ST3GAL3: variants seen among roughly 807,000 people sequenced by gnomAD.
ST3GAL3 encodes the protein ST3 beta-galactoside alpha-2,3-sialyltransferase 3, also known as CMP-N-acetylneuraminate-beta-1,4-galactoside alpha-2,3-sialyltransferase.
Under a neutral mutation model 50.1 loss-of-function variants are expected in ST3GAL3, and 21 were observed. The ratio of observed to expected loss-of-function variants is 0.42; its 90% CI spans 0.30 to 0.60. The LOEUF is 0.60. ST3GAL3 is among the 20% of genes least tolerant of loss of function. ST3GAL3 has a pLI of 0.19. For missense variants in ST3GAL3, 353 were observed against 489.4 expected, an observed-to-expected ratio of 0.72 and a Z score of 2.63; for synonymous variants, 183 against 190.0, an observed-to-expected ratio of 0.96 and a Z score of 0.30.
chr1:43,802,819 T>C (rs1261397552), intron 3 of ST3GAL3, among the ~76,000 whole-genome samples: 2 of 152,248 alleles, frequency 1.3e-5, no homozygotes, highest in Admixed American at 1.3e-4. Flanking sequence ...GACAGTATTT[T>C]GTTGCCGGCA....
At chr1:43,851,625 T>C (rs2067321747) in intron 5 of ST3GAL3, 2 of 1,290,582 alleles carry the variant, frequency 1.5e-6, no homozygotes, top group East Asian at 4.6e-5. Context: ...CTCTCCTTAA[T>C]GATGTTGTAA....
At chr1:43,756,977 T>TC (rs1288945912) in intron 2 of ST3GAL3, among the ~76,000 whole-genome samples, 1 of 152,182 alleles carries the variant, frequency 6.6e-6, no homozygotes, top group Non-Finnish European at 1.5e-5. Flanking sequence ...TGATCTCAGC[T>TC]CACTGCAACC....
At chr1:43,856,283 T>C (rs1274812508) in intron 5 of ST3GAL3, among the ~76,000 whole-genome samples, 1 of 152,270 alleles carries the variant, frequency 6.6e-6, no homozygotes, top group Non-Finnish European at 1.5e-5. Flanking sequence ...AATGTGATAA[T>C]GCACTTTTAT....
At chr1:43,768,959 T>G (rs1005485514) in intron 2 of ST3GAL3, among the ~76,000 whole-genome samples, 2 of 152,102 alleles carry the variant, frequency 1.3e-5, no homozygotes, top group African/African-American at 4.8e-5. Context: ...AAAGGAAGAT[T>G]AAAGGCCAAG....
At position 43,747,046 on chromosome 1, in the gene ST3GAL3, G is replaced by A. The variant is rs550674514; in HGVS notation, c.118+10666G>A. On this transcript the variant is annotated intron_variant, in intron 2 of 11. Coordinates refer to ENST00000347631, the MANE Select transcript of ST3GAL3 (RefSeq NM_006279.5). ...CTCCCGAAGTGCGAGGATTACAGGC[G>A]TGAGCCACTGCGCCTGGCCTAAAAT... Among the ~76,000 whole-genome samples the A allele has an allele frequency of 5.4e-4, 82 of 152,154 alleles. No individual in the cohort carries two copies. In the South Asian group the frequency reaches 0.01, roughly 19 times the overall value.
At position 43,747,941 on chromosome 1, in the gene ST3GAL3, T is replaced by C. The variant is rs77510353; in HGVS notation, c.118+11561T>C. ...GCAGGATTGACTAAATCACTGGTCA[T>C]TGGTGATAAACTCAACTTTTAGCCC... On this transcript the variant is annotated intron_variant, in intron 2 of 11. Coordinates refer to ENST00000347631, the MANE Select transcript of ST3GAL3 (RefSeq NM_006279.5). Among the ~76,000 whole-genome samples the C allele has an allele frequency of 5.3e-3, 808 of 152,146 alleles. 16 individuals are homozygous for C. Among genetic ancestry groups the C allele is most frequent in the African/African-American group, 0.018 (751 of 41,514 alleles).
chr1:43,752,785 C>T (rs548479544), intron 2 of ST3GAL3, among the ~76,000 whole-genome samples: 2 of 152,278 alleles, frequency 1.3e-5, no homozygotes, highest in East Asian at 1.9e-4. Flanking sequence ...TGAGCCACCA[C>T]GTCCAGTCAA....
chr1:43,759,855 A>G (rs1203585343), intron 2 of ST3GAL3, among the ~76,000 whole-genome samples: 5 of 152,216 alleles, frequency 3.3e-5, no homozygotes, highest in Non-Finnish European at 5.9e-5. Flanking sequence ...ATTTTTGGAT[A>G]TGCGTTGTTT....
At chr1:43,793,607 C>T (rs1040476176) in intron 3 of ST3GAL3, among the ~76,000 whole-genome samples, 1 of 152,174 alleles carries the variant, frequency 6.6e-6, no homozygotes, top group African/African-American at 2.4e-5. Flanking sequence ...CTATCTCATA[C>T]CTTGTGTGCT....
intron 7 of ST3GAL3, chr1:43,898,951 G>A: frequency 1.6e-6 from 1 of 613,720 alleles, no homozygotes; most frequent in East Asian, 2.8e-5. Context: ...CTGGGGAAGT[G>A]TCAGGGCCTA....
At chr1:43,846,861 A>G (rs895450866) in intron 5 of ST3GAL3, among the ~76,000 whole-genome samples, 33 of 152,238 alleles carry the variant, frequency 2.2e-4, no homozygotes, top group African/African-American at 8.0e-4. Flanking sequence ...GTGGAAGGCA[A>G]CCTACAGAAT....
intron 5 of ST3GAL3, among the ~76,000 whole-genome samples, chr1:43,892,444 A>G (rs1380281024): frequency 1.3e-5 from 2 of 152,206 alleles, no homozygotes; most frequent in Non-Finnish European, 2.9e-5. Flanking sequence ...GCAATCTACA[A>G]AATAATATAG....
At chr1:43,738,379 A>G (rs1440638657) in intron 2 of ST3GAL3, 1 of 152,186 alleles carries the variant, frequency 6.6e-6, no homozygotes, top group Admixed American at 6.5e-5. Context: ...TTGACTTTGA[A>G]TAGGTTGTTT....
At chr1:43,756,044 T>A (rs1687907870) in intron 2 of ST3GAL3, among the ~76,000 whole-genome samples, 1 of 128,902 alleles carries the variant, frequency 7.8e-6, no homozygotes, top group Non-Finnish European at 1.5e-5. Flanking sequence ...GAGGCTGTAG[T>A]GGGCTATAAT....
intron 3 of ST3GAL3, chr1:43,801,390 C>A (rs1024574751): frequency 2.2e-6 from 1 of 456,020 alleles, no homozygotes; most frequent in East Asian, 6.9e-5. Flanking sequence ...CATGTACAAC[C>A]GTATTCCTTG....
chr1:43,711,263 T>G (rs561234412), intron 1 of ST3GAL3, among the ~76,000 whole-genome samples: 24 of 152,370 alleles, frequency 1.6e-4, no homozygotes, highest in African/African-American at 5.5e-4. Flanking sequence ...GAACTGAGGC[T>G]GATAGAAACT....
At chr1:43,727,366 T>G (rs1376899658) in intron 1 of ST3GAL3, 5 of 152,100 alleles carry the variant, frequency 3.3e-5, no homozygotes, top group Non-Finnish European at 7.4e-5. Context: ...CAGACACAAT[T>G]TCAGCCCTGG....
chr1:43,894,410 G>A lies in ST3GAL3; in HGVS notation c.330G>A (p.Leu110=). 1 of 1,614,132 alleles carries A rather than the reference G, an allele frequency of 6.2e-7. No homozygotes were observed. Among genetic ancestry groups the A allele is most frequent in the Non-Finnish European group, 8.5e-7 (1 of 1,180,022 alleles). ...TCTCCAAGCCAGCACCCATGTTCCTGGATGACTCCTTTCGCAAGTGGGCTA... is the reference window on the plus strand; with the variant it reads ...TCTCCAAGCCAGCACCCATGTTCCTAGATGACTCCTTTCGCAAGTGGGCTA... ...PRFSKPAPMF[L]DDSFRKWARI... The change falls in exon 6 of 12, where the codon CTG becomes CTA. Residue 110 remains leucine (L), a synonymous_variant. Transcript: ENST00000347631.
intron 4 of ST3GAL3, among the ~76,000 whole-genome samples, chr1:43,824,390 G>A (rs2062504584): frequency 6.6e-6 from 1 of 151,658 alleles, no homozygotes; most frequent in South Asian, 2.1e-4. Flanking sequence ...GGAAAGGGGT[G>A]TGTGTGTGGT....
Sources: gnomAD v4.1 joint callset for allele counts (sites outside exome capture counted in the v4.1 genomes callset) on GRCh38, gnomAD v4.1.1 for gene constraint, MANE v1.5 for transcripts, NCBI Gene and HGNC (gene_info 2026-07-23, HGNC 2026-07-21) for gene names.